ST3GAL1: variants seen among roughly 807,000 people sequenced by gnomAD.
ST3GAL1 encodes the protein CMP-N-acetylneuraminate-beta-galactosamide-alpha-2,3-sialyltransferase 1.
Under a neutral mutation model 34.1 loss-of-function variants are expected in ST3GAL1, and 16 were observed. The observed-to-expected ratio is 0.47, with a 90% CI of 0.32 to 0.71. The LOEUF (loss-of-function observed/expected upper bound fraction) is 0.71, where lower values mean the gene tolerates loss of function less well. Among genes scored for constraint, ST3GAL1 ranks in the 30% least tolerant of loss-of-function variants. The probability of loss-of-function intolerance (pLI) is 0.04; values close to 1 mark genes in which losing one functional copy is unlikely to be tolerated. For synonymous variants in ST3GAL1, 191 were observed against 184.7 expected (o/e 1.03, Z -0.28); for missense variants, 353 against 447.4 (o/e 0.79, Z 1.90).
chr8:133,515,283 C>A lies in ST3GAL1; in HGVS notation c.-428-16094G>T, dbSNP rs1817610649. Among the ~76,000 whole-genome samples the A allele has an allele frequency of 2.6e-5, 4 of 152,344 alleles. No individual in the cohort carries two copies. The South Asian group carries it at 8.3e-4, about 32-fold the overall frequency. On this transcript the variant is annotated intron_variant, in intron 2 of 9. Transcript: ENST00000522652. ...CTTCTGCTTTGTCCTACTGCTTTCT[C>A]CCTTACTCTGTTTCAGTCATGTCAG... is the stretch of plus-strand genomic sequence containing the variant.
chr8:133,567,519 T>A (rs1404048650), intron 1 of ST3GAL1, among the ~76,000 whole-genome samples: 1 of 152,178 alleles, frequency 6.6e-6, no homozygotes, highest in Non-Finnish European at 1.5e-5. Context: ...AGCTTGTGGA[T>A]GGGAAGCAAA....
chr8:133,560,510 G>C (rs995108052), intron 1 of ST3GAL1, among the ~76,000 whole-genome samples: 15 of 152,192 alleles, frequency 9.9e-5, no homozygotes, highest in African/African-American at 3.4e-4. Context: ...TGTGAGACCT[G>C]GAAAGCACCA....
At position 133,467,500 on chromosome 8, in the gene ST3GAL1, C is replaced by T. The variant is rs867801560; in HGVS notation, c.307-1410G>A. 1.9e-4 allele frequency among the ~76,000 whole-genome samples: 29 copies of T among 152,320 alleles called. No individual in the cohort carries two copies. Among genetic ancestry groups the T allele is most frequent in the African/African-American group, 6.7e-4 (28 of 41,566 alleles). On this transcript the variant is annotated intron_variant, in intron 5 of 9. Transcript: ENST00000522652. The surrounding 1 kb of genome is among the most constrained non-coding windows in gnomAD (Gnocchi z 4.2). Reference sequence around the variant, plus strand: ...AGGCCAGAGAGGTAAGCAACTCATCCCAAATACAAACCAGGATTTGAACCC... The same window carrying T: ...AGGCCAGAGAGGTAAGCAACTCATCTCAAATACAAACCAGGATTTGAACCC...
intron 1 of ST3GAL1, among the ~76,000 whole-genome samples, chr8:133,549,689 G>C (rs954893097): frequency 6.6e-6 from 1 of 152,168 alleles, no homozygotes; most frequent in African/African-American, 2.4e-5. Context: ...CTCGCCAGGC[G>C]TGGTGGCTCA....
chr8:133,491,427 TC>T (rs1318471059), intron 3 of ST3GAL1, among the ~76,000 whole-genome samples: 4 of 152,034 alleles, frequency 2.6e-5, no homozygotes, highest in African/African-American at 9.7e-5. Flanking sequence ...AATTCAGAGC[TC>T]CTAATGCCCC....
At chr8:133,520,011 T>C (rs768396917) in intron 2 of ST3GAL1, among the ~76,000 whole-genome samples, 1 of 152,144 alleles carries the variant, frequency 6.6e-6, no homozygotes, top group Non-Finnish European at 1.5e-5. Context: ...GATTCTTACT[T>C]ACAAGCATCA....
At chr8:133,525,771 C>G (rs1419780334) in intron 2 of ST3GAL1, among the ~76,000 whole-genome samples, 1 of 152,230 alleles carries the variant, frequency 6.6e-6, no homozygotes, top group Non-Finnish European at 1.5e-5. Flanking sequence ...TGGGTTGCGA[C>G]AGCACCCAGG....
chr8:133,475,563 C>T (rs934375565), intron 5 of ST3GAL1, among the ~76,000 whole-genome samples, 156 bp downstream of exon 5: 2 of 152,080 alleles, frequency 1.3e-5, no homozygotes, highest in African/African-American at 2.4e-5. Context: ...TCTGAGAGCA[C>T]CTCACTCTCA....
chr8:133,479,541 G>A (rs1272218133), intron 3 of ST3GAL1, among the ~76,000 whole-genome samples: 1 of 152,200 alleles, frequency 6.6e-6, no homozygotes, highest in Non-Finnish European at 1.5e-5. Flanking sequence ...CACCCCTAAT[G>A]CCAGGGCAGA....
chr8:133,465,101 A>G, intron 6 of ST3GAL1, 144 bp from the exon 7 acceptor site: 6 of 750,116 alleles, frequency 8.0e-6, no homozygotes, highest in Non-Finnish European at 1.3e-5. Context: ...CATCTGTAAA[A>G]TAGAGACAAT....
rs1462263652 is a variant in ST3GAL1 at position 133,571,742 on chromosome 8, CGGA to C, written c.-634_-632del. 2.6e-5 allele frequency: 4 copies of C among 152,602 alleles called. No homozygotes were observed. The highest frequency in any genetic ancestry group is 4.4e-5 in the Non-Finnish European group (3 of 68,378). The allele number at this position is 152,602 out of a possible 1,614,324, so 9.5% of individuals were successfully genotyped here. Reference sequence around the variant, plus strand: ...TCCGGGATTTGGGCATGAAGGGGTTCGGAGGAGAATACAGGGGTGTGGGTGTCC... The same window carrying C: ...TCCGGGATTTGGGCATGAAGGGGTTCGGAGAATACAGGGGTGTGGGTGTCC... On this transcript the variant is annotated 5_prime_UTR_variant, in exon 1 of 10. Coordinates refer to ENST00000522652, the MANE Select transcript of ST3GAL1 (RefSeq NM_173344.3). This position sits in a 1 kb window ranked among gnomAD's most constrained non-coding sequence, Gnocchi z 6.7.
chr8:133,461,026 T>C lies in ST3GAL1; in HGVS notation c.849+849A>G, dbSNP rs1327392232. ...GGTGGGACGATGGGAGAAAGGGCTC[T>C]TGAGCAGAACCTCAAGCAAGGGTCT... On this transcript the variant is annotated intron_variant, in intron 9 of 9. Coordinates refer to ENST00000522652, the MANE Select transcript of ST3GAL1 (RefSeq NM_173344.3). This position sits in a 1 kb window ranked among gnomAD's most constrained non-coding sequence, Gnocchi z 4.7. Among the ~76,000 whole-genome samples the C allele has an allele frequency of 1.3e-5, 2 of 152,092 alleles. No homozygotes were observed. The highest frequency in any genetic ancestry group is 1.3e-4 in the Admixed American group (2 of 15,272).
intron 5 of ST3GAL1, among the ~76,000 whole-genome samples, chr8:133,471,833 G>A (rs973427097): frequency 1.3e-5 from 2 of 152,042 alleles, no homozygotes; most frequent in African/African-American, 2.4e-5. Context: ...TTGCATTTGG[G>A]CACTGGGCAT....
chr8:133,570,261 G>C lies in ST3GAL1; in HGVS notation c.-582+1432C>G, dbSNP rs1563747730. The stretch of plus-strand genomic sequence containing the variant: ...TTGCGGGGCTTGGGGACCCGCGAGG[G>C]GGAGAAGTCGGGAGAGGCCAGGGGT... On this transcript the variant is annotated intron_variant, in intron 1 of 9. Transcript: ENST00000522652. The surrounding 1 kb of genome is among the most constrained non-coding windows in gnomAD (Gnocchi z 5.6). The C allele has an allele frequency of 6.6e-6, 1 of 152,308 alleles. No individual in the cohort carries two copies. The highest frequency in any genetic ancestry group is 2.4e-5 in the African/African-American group (1 of 41,486). The allele number at this position is 152,308 out of a possible 1,614,324, so 9.4% of individuals were successfully genotyped here. A position where few individuals can be genotyped will look rare whatever the true frequency, so the allele number is the denominator to read the frequency against.
intron 2 of ST3GAL1, among the ~76,000 whole-genome samples, chr8:133,519,353 C>T (rs772423975): frequency 8.5e-5 from 13 of 152,120 alleles, no homozygotes; most frequent in African/African-American, 1.4e-4. Context: ...GGTGCAAGGA[C>T]GTACCTGGAG....
At chr8:133,533,152 C>T (rs992338447) in intron 2 of ST3GAL1, among the ~76,000 whole-genome samples, 37 of 152,258 alleles carry the variant, frequency 2.4e-4, no homozygotes, top group Non-Finnish European at 3.7e-4. Flanking sequence ...CCAGCGCCCC[C>T]GCAGTCCAAT....
Position 133,458,801 on chromosome 8 carries a change from T to C in ST3GAL1, c.*963A>G, listed in dbSNP as rs891205934. ...CTCGCCACGATTAGAACCATGAGAC[T>C]GACTACTCAAAGGAACAACTGCTTG... On this transcript the variant is annotated 3_prime_UTR_variant, in exon 10 of 10. Transcript: ENST00000522652. 6.6e-6 allele frequency: 1 copy of C among 152,056 alleles called. No individual in the cohort carries two copies. Among genetic ancestry groups the C allele is most frequent in the Non-Finnish European group, 1.5e-5 (1 of 68,034 alleles). 9.4% of individuals were successfully genotyped at this position (152,056 alleles called of 1,614,324 possible).
Position 133,508,315 on chromosome 8 carries a change from T to C in ST3GAL1, c.-428-9126A>G, listed in dbSNP as rs552037468. Among the ~76,000 whole-genome samples, 2 of 152,162 alleles carry C rather than the reference T, an allele frequency of 1.3e-5. No homozygotes were observed. Among genetic ancestry groups the C allele is most frequent in the Non-Finnish European group, 2.9e-5 (2 of 68,020 alleles). On this transcript the variant is annotated intron_variant, in intron 2 of 9. Transcript: ENST00000522652. This position sits in a 1 kb window ranked among gnomAD's most constrained non-coding sequence, Gnocchi z 4.1. ...TATAATCTTCTGAGGCTCCCAAATG[T>C]CCCTGAGTCCAGGCCAAATTTTCAG...
chr8:133,503,358 T>G (rs1817241521), intron 2 of ST3GAL1, among the ~76,000 whole-genome samples: 1 of 152,142 alleles, frequency 6.6e-6, no homozygotes. Context: ...TCTCTGAACT[T>G]TAGTTTTCTC....
Sources: allele counts gnomAD v4.1 joint callset (sites outside exome capture counted in the v4.1 genomes callset), GRCh38; gene constraint gnomAD v4.1.1; non-coding constraint Gnocchi (gnomAD v3.1); transcripts MANE v1.5; gene names NCBI Gene and HGNC (gene_info 2026-07-23, HGNC 2026-07-21).